Variants in MAMLD1 observed in about 807,000 individuals in gnomAD.
The protein encoded by MAMLD1 is mastermind-like domain-containing protein 1.
Under a neutral mutation model 45.0 loss-of-function variants are expected in MAMLD1, and 14 were observed. The observed-to-expected ratio is 0.31, with a 90% CI of 0.21 to 0.49. MAMLD1 has a LOEUF of 0.49. MAMLD1 is among the 20% of genes least tolerant of loss of function. The pLI, the probability that MAMLD1 is intolerant of heterozygous loss-of-function variation, is 0.99. For missense variants in MAMLD1, 543 were observed against 603.6 expected (o/e 0.90, Z 1.05); for synonymous variants, 254 against 247.8 (o/e 1.02, Z -0.24).
chrX:150,413,950 G>A (rs1456743412), intron 1 of MAMLD1, among the ~76,000 whole-genome samples: 1 of 99,375 alleles, frequency 1.0e-5, no homozygotes, highest in Non-Finnish European at 2.0e-5. Flanking sequence ...CTAGGGTGCT[G>A]AGGGAGAGAG....
intron 1 of MAMLD1, among the ~76,000 whole-genome samples, chrX:150,386,780 C>T (rs1276479286): frequency 9.8e-6 from 1 of 102,076 alleles, no homozygotes; most frequent in Non-Finnish European, 2.0e-5. Context: ...GCTCGCTTCT[C>T]TTCCTTACTA....
At chrX:150,389,648 T>C (rs1436974432) in intron 1 of MAMLD1, among the ~76,000 whole-genome samples, 1 of 112,339 alleles carries the variant, frequency 8.9e-6, no homozygotes, top group Non-Finnish European at 1.9e-5. Context: ...ATCTAGAACC[T>C]TTCAGTTGAC....
intron 2 of MAMLD1, among the ~76,000 whole-genome samples, chrX:150,460,839 T>G (rs2036013401): frequency 8.9e-6 from 1 of 112,106 alleles, no homozygotes; most frequent in African/African-American, 3.2e-5. Context: ...GTCCCTGAAA[T>G]GTACCAGTAG....
chrX:150,459,859 GAGGA>G (rs1334458666), intron 2 of MAMLD1, among the ~76,000 whole-genome samples: 5 of 105,208 alleles, frequency 4.8e-5, no homozygotes, highest in African/African-American at 1.7e-4. Context: ...GGGAGGGAGG[GAGGA>G]AGGAAGGAAG....
At chrX:150,377,047 T>A (rs898283811) in intron 1 of MAMLD1, among the ~76,000 whole-genome samples, 1 of 113,162 alleles carries the variant, frequency 8.8e-6, no homozygotes, top group Admixed American at 9.3e-5. Context: ...GCTTATGGGA[T>A]GTTCACAAAA....
At chrX:150,502,246 A>G (rs1444094229) in intron 5 of MAMLD1, among the ~76,000 whole-genome samples, 1 of 112,928 alleles carries the variant, frequency 8.9e-6, no homozygotes, top group Non-Finnish European at 1.9e-5. Context: ...CCAACTATGT[A>G]GCTTAGATTT....
chrX:150,468,064 G>C (rs1215562733), intron 3 of MAMLD1, among the ~76,000 whole-genome samples: 1 of 112,331 alleles, frequency 8.9e-6, no homozygotes, highest in Non-Finnish European at 1.9e-5. Flanking sequence ...CTCCACCCTT[G>C]CTCTGGGCCA....
intron 2 of MAMLD1, among the ~76,000 whole-genome samples, chrX:150,446,292 C>T (rs913078433): frequency 8.9e-6 from 1 of 112,061 alleles, no homozygotes; most frequent in Non-Finnish European, 1.9e-5. Context: ...GCTGTTATCT[C>T]AGGGTATTAG....
At chrX:150,384,371 G>C (rs1465114803) in intron 1 of MAMLD1, among the ~76,000 whole-genome samples, 2 of 111,988 alleles carry the variant, frequency 1.8e-5, no homozygotes, top group Non-Finnish European at 3.8e-5. Context: ...CTATGATTTT[G>C]AGCATCTTTT....
At chrX:150,487,215 G>T (rs1302259175) in intron 5 of MAMLD1, among the ~76,000 whole-genome samples, 1 of 111,509 alleles carries the variant, frequency 9.0e-6, no homozygotes, top group Non-Finnish European at 1.9e-5. Flanking sequence ...ATTTTTCTTA[G>T]CTATCTCTTC....
intron 4 of MAMLD1, among the ~76,000 whole-genome samples, chrX:150,471,814 T>A (rs1210163785): frequency 2.7e-5 from 3 of 112,277 alleles, no homozygotes; most frequent in Non-Finnish European, 5.6e-5. Context: ...CTGGGCCATG[T>A]AGAAAGACTA....
Position 150,470,701 on chromosome X carries a change from G to A in MAMLD1, c.1128G>A (p.Ser376=), listed in dbSNP as rs781984105. Residue 376 remains serine, a synonymous_variant, in exon 4 of 8, where the codon TCG becomes TCA. Coordinates refer to ENST00000370401, the MANE Select transcript of MAMLD1 (RefSeq NM_005491.5). ...MVSCMSSNTL[S]GSTLRGSPNA... ...CCTGCATGTCGTCCAATACCTTGTC[G>A]GGTAGCACTCTCCGAGGCTCTCCCA... 20 of 1,210,069 alleles carry A rather than the reference G, an allele frequency of 1.7e-5. No homozygotes were observed. The highest frequency in any genetic ancestry group is 1.4e-4 in the African/African-American group (8 of 57,129).
intron 1 of MAMLD1, among the ~76,000 whole-genome samples, chrX:150,416,526 A>G (rs781949512): frequency 1.3e-4 from 15 of 111,763 alleles, no homozygotes; most frequent in Non-Finnish European, 2.4e-4. Context: ...ATGCAACAGA[A>G]TGGCTGCCTA....
chrX:150,451,636 G>A (rs782086384), intron 2 of MAMLD1, among the ~76,000 whole-genome samples: 26 of 111,634 alleles, frequency 2.3e-4, no homozygotes, highest in African/African-American at 7.8e-4. Flanking sequence ...TTCCGCAGTT[G>A]ATATAGAATA....
At chrX:150,396,149 A>ATTTT (rs151164752) in intron 1 of MAMLD1, among the ~76,000 whole-genome samples, 2,127 of 39,271 alleles carry the variant, frequency 0.054, 244 homozygotes, top group Non-Finnish European at 0.074. Flanking sequence ...TACCTGGCTA[A>ATTTT]TTTTTTTTTT....
At chrX:150,405,649 T>G (rs2033975503) in intron 1 of MAMLD1, among the ~76,000 whole-genome samples, 1 of 111,866 alleles carries the variant, frequency 8.9e-6, no homozygotes, top group African/African-American at 3.3e-5. Flanking sequence ...ATGTTATATG[T>G]TTTCCACGCT....
At chrX:150,406,004 G>A (rs141306269) in intron 1 of MAMLD1, among the ~76,000 whole-genome samples, 1,545 of 111,502 alleles carry the variant, frequency 0.014, 29 homozygotes, top group African/African-American at 0.047. Flanking sequence ...TAAAGTGATG[G>A]GGTGAGAGGG....
At chrX:150,387,211 TG>T (rs782009838) in intron 1 of MAMLD1, among the ~76,000 whole-genome samples, 8 of 111,632 alleles carry the variant, frequency 7.2e-5, no homozygotes, top group Middle Eastern at 9.2e-3. Context: ...TCACATATTT[TG>T]GTAAAATTTT....
chrX:150,406,642 G>C (rs1557402687), intron 1 of MAMLD1, among the ~76,000 whole-genome samples: 24 of 111,947 alleles, frequency 2.1e-4, no homozygotes, highest in South Asian at 1.1e-3. Context: ...GGCTGGGTTT[G>C]GGGCCCTTCA....
Sources: gnomAD v4.1 joint callset for allele counts (sites outside exome capture counted in the v4.1 genomes callset) on GRCh38, gnomAD v4.1.1 for gene constraint, MANE v1.5 for transcripts, NCBI Gene and HGNC (gene_info 2026-07-23, HGNC 2026-07-21) for gene names.